EPB41L4A: variants seen among roughly 807,000 people sequenced by gnomAD.
EPB41L4A encodes the protein erythrocyte membrane protein band 4.1 like 4A.
EPB41L4A carries 100 observed loss-of-function variants against 108.6 expected under a neutral mutation model. That is an observed-to-expected ratio of 0.92 (90% confidence interval 0.78 to 1.09). The LOEUF (loss-of-function observed/expected upper bound fraction) is 1.09. Among genes scored for constraint, EPB41L4A ranks in the 50% least tolerant of loss-of-function variants. The pLI is 0.00. For missense variants in EPB41L4A, 1,030 were observed against 842.7 expected, an observed-to-expected ratio of 1.22 and a Z score of -2.75; for synonymous variants, 319 against 289.0, an observed-to-expected ratio of 1.10 and a Z score of -1.05.
Position 112,419,177 on chromosome 5 carries a change from G to C in EPB41L4A, c.-138C>G, listed in dbSNP as rs1187225790. The C allele has an allele frequency of 3.3e-6, 2 of 603,886 alleles. No homozygotes were observed. Among genetic ancestry groups the C allele is most frequent in the South Asian group, 2.3e-5 (1 of 43,354 alleles). 37.4% of individuals were successfully genotyped at this position (603,886 alleles called of 1,614,324 possible). A position where few individuals can be genotyped will look rare whatever the true frequency, so the allele number is the denominator to read the frequency against. The stretch of plus-strand genomic sequence containing the variant: ...GACGAGCAGCTCCCGGCGGGGTCCG[G>C]GGACCGGCCGCCGAACCGCCCGGCG... On this transcript the variant is annotated 5_prime_UTR_variant, in exon 1 of 23. Coordinates refer to ENST00000261486, the MANE Select transcript of EPB41L4A (RefSeq NM_022140.5).
At position 112,170,377 on chromosome 5, in the gene EPB41L4A, G is replaced by C; in HGVS notation, c.1671-8C>G. ...GGATCCACAAGTTCTTTTCTGTAAA[G>C]GAATATGCAAGAAAATGATAGTTGT... On this transcript the variant is annotated splice_region_variant and splice_polypyrimidine_tract_variant and intron_variant, in intron 19 of 22. Transcript: ENST00000261486. The C allele has an allele frequency of 1.3e-6, 2 of 1,552,110 alleles. No homozygotes were observed. The highest frequency in any genetic ancestry group is 1.7e-5 in the Admixed American group (1 of 58,694).
chr5:112,350,779 A>G (rs1165390525), intron 1 of EPB41L4A, among the ~76,000 whole-genome samples: 1 of 152,178 alleles, frequency 6.6e-6, no homozygotes, highest in Non-Finnish European at 1.5e-5. Flanking sequence ...AGCTCCATCC[A>G]TGATGCTGCA....
intron 1 of EPB41L4A, among the ~76,000 whole-genome samples, chr5:112,348,864 T>A (rs1256563757): frequency 6.6e-6 from 1 of 152,226 alleles, no homozygotes; most frequent in African/African-American, 2.4e-5. Flanking sequence ...ACGCACAATG[T>A]TGACACCAAA....
chr5:112,345,821 A>ACG (rs1580728222), intron 1 of EPB41L4A, among the ~76,000 whole-genome samples: 1 of 148,532 alleles, frequency 6.7e-6, no homozygotes, highest in Non-Finnish European at 1.5e-5. Context: ...ACACACACAC[A>ACG]CGCACACATA....
chr5:112,385,221 T>C (rs538544036), intron 1 of EPB41L4A, among the ~76,000 whole-genome samples: 3 of 152,002 alleles, frequency 2.0e-5, no homozygotes, highest in Non-Finnish European at 2.9e-5. Flanking sequence ...CCAGGAAAAA[T>C]GCTCCCCTCT....
At chr5:112,276,545 C>T (rs572486091) in intron 3 of EPB41L4A, among the ~76,000 whole-genome samples, 5 of 152,240 alleles carry the variant, frequency 3.3e-5, no homozygotes, top group South Asian at 2.1e-4. Flanking sequence ...TTAGTGGTTA[C>T]GGGTGTTAAT....
chr5:112,144,030 A>G (rs185725708), intron 13 of EPB41L4A: 231 of 299,670 alleles, frequency 7.7e-4, no homozygotes, highest in African/African-American at 4.8e-3. Context: ...CCTATAGTCC[A>G]CTAAGGCAGA....
intron 1 of EPB41L4A, among the ~76,000 whole-genome samples, chr5:112,316,394 A>G (rs1440708810): frequency 6.6e-6 from 1 of 152,140 alleles, no homozygotes; most frequent in Non-Finnish European, 1.5e-5. Context: ...GGAAAACTTA[A>G]AATTACATTA....
chr5:112,144,646 A>G (rs1580313723), intron 13 of EPB41L4A, among the ~76,000 whole-genome samples: 3 of 152,168 alleles, frequency 2.0e-5, no homozygotes, highest in Admixed American at 6.5e-5. Flanking sequence ...CTCAAAGATG[A>G]TATCTTTTGT....
At chr5:112,177,179 G>A (rs1760912076) in intron 18 of EPB41L4A, among the ~76,000 whole-genome samples, 3 of 152,120 alleles carry the variant, frequency 2.0e-5, no homozygotes, top group South Asian at 2.1e-4. Flanking sequence ...TAAAATCAAG[G>A]TGTTGGCATG....
In EPB41L4A at chr5:112,345,811, ACACACACACACG is replaced by A. The variant is rs1328258476; in HGVS notation, c.100-38333_100-38322del. ...CACACACACACACACACACACACAC[ACACACACACACG>A]CACACATAAAGCCCCAGCAACCTGG... On this transcript the variant is annotated intron_variant, in intron 1 of 22. Transcript: ENST00000261486. Among the ~76,000 whole-genome samples, 181 of 150,364 alleles carry A rather than the reference ACACACACACACG, an allele frequency of 1.2e-3. 1 individual carries two copies. The highest frequency in any genetic ancestry group is 4.3e-3 in the African/African-American group (171 of 40,228).
intron 1 of EPB41L4A, among the ~76,000 whole-genome samples, chr5:112,320,160 T>A (rs906563960): frequency 9.2e-5 from 14 of 152,268 alleles, no homozygotes; most frequent in African/African-American, 3.4e-4. Flanking sequence ...CCAATAGAAC[T>A]CTCTTGGTCA....
intron 1 of EPB41L4A, among the ~76,000 whole-genome samples, chr5:112,323,772 C>T (rs868839178): frequency 2.3e-4 from 35 of 152,248 alleles, no homozygotes; most frequent in Middle Eastern, 3.4e-3. Flanking sequence ...GGTTATTCTG[C>T]AACCTTTTTG....
chr5:112,287,864 C>A (rs1308487138), intron 2 of EPB41L4A, among the ~76,000 whole-genome samples: 11 of 152,146 alleles, frequency 7.2e-5, no homozygotes, highest in African/African-American at 1.9e-4. Context: ...TCCAGGTAAA[C>A]TGTTGAAATT....
At chr5:112,382,765 G>T (rs1374708196) in intron 1 of EPB41L4A, among the ~76,000 whole-genome samples, 1 of 152,122 alleles carries the variant, frequency 6.6e-6, no homozygotes, top group East Asian at 1.9e-4. Context: ...TAGGTAGCAG[G>T]TGTGTCTGAT....
At chr5:112,302,805 G>T (rs1315878544) in intron 2 of EPB41L4A, among the ~76,000 whole-genome samples, 1 of 152,196 alleles carries the variant, frequency 6.6e-6, no homozygotes, top group African/African-American at 2.4e-5. Context: ...CCAAGGAAAA[G>T]TAACACACAT....
chr5:112,341,753 A>AACACACACACACAC (rs5870494), intron 1 of EPB41L4A, among the ~76,000 whole-genome samples: 1 of 149,362 alleles, frequency 6.7e-6, no homozygotes, highest in Non-Finnish European at 1.5e-5. Context: ...CACTATTTAA[A>AACACACACACACAC]ACACACACAC....
chr5:112,240,728 G>T lies in EPB41L4A; in HGVS notation c.878C>A (p.Thr293Lys). Residue 293 changes from threonine (T) to lysine (K), a missense_variant, in exon 10 of 23, where the codon ACA (threonine) becomes AAA (lysine). Thr to Lys is a moderately conservative substitution (Grantham distance 78). Transcript: ENST00000261486. ...HLWKCSVEHH[T>K]FFRMPENESN... ...TTTTACATCAATTTACCTAAAAAATGTATGATGTTCCACACTGCACTTCCA... is the reference window on the plus strand; with the variant it reads ...TTTTACATCAATTTACCTAAAAAATTTATGATGTTCCACACTGCACTTCCA... 1.3e-6 allele frequency: 2 copies of T among 1,537,986 alleles called. No individual in the cohort carries two copies. The highest frequency in any genetic ancestry group is 2.4e-5 in the East Asian group (1 of 41,170).
chr5:112,275,988 T>C (rs893206923), intron 3 of EPB41L4A, among the ~76,000 whole-genome samples: 15 of 152,172 alleles, frequency 9.9e-5, no homozygotes, highest in East Asian at 5.8e-4. Context: ...AGTTAATATA[T>C]ATTTGAGTTT....
Sources: gnomAD v4.1 joint callset for allele counts (sites outside exome capture counted in the v4.1 genomes callset) on GRCh38, gnomAD v4.1.1 for gene constraint, MANE v1.5 for transcripts, NCBI Gene and HGNC (gene_info 2026-07-23, HGNC 2026-07-21) for gene names.